BORCS5: variants seen among roughly 807,000 people sequenced by gnomAD.
BORCS5 encodes BLOC-1 related complex subunit 5.
In BORCS5, 17 loss-of-function variants were observed where a neutral mutation model predicts 22.1. The observed-to-expected ratio is 0.77, with a 90% CI of 0.53 to 1.15. The LOEUF is 1.15. BORCS5 is among the 50% of genes most tolerant of loss of function. The probability of loss-of-function intolerance (pLI) is 0.00; values close to 1 mark genes in which losing one functional copy is unlikely to be tolerated. For missense variants in BORCS5, 247 were observed against 253.2 expected (o/e 0.98, Z 0.17); for synonymous variants, 117 against 99.8 (o/e 1.17, Z -1.03).
At chr12:12,416,545 G>T (rs997621532) in intron 2 of BORCS5, among the ~76,000 whole-genome samples, 3 of 151,982 alleles carry the variant, frequency 2.0e-5, no homozygotes, top group Admixed American at 6.6e-5. Flanking sequence ...CTGGACTCAA[G>T]TGATTCTTCT....
chr12:12,380,570 T>C (rs1863754579), intron 2 of BORCS5, among the ~76,000 whole-genome samples: 1 of 151,602 alleles, frequency 6.6e-6, no homozygotes, highest in South Asian at 2.1e-4. Flanking sequence ...TGAATAATGC[T>C]GCTATGAACC....
chr12:12,465,723 G>A lies in BORCS5; in HGVS notation c.538G>A (p.Gly180Ser). Residue 180 changes from glycine to serine, a missense_variant, in exon 4 of 4, where the codon GGC becomes AGC. By Grantham distance (56) the Gly-to-Ser change is moderately conservative (BLOSUM62 0). Transcript: ENST00000314565. ...LDRLNSMLPE[G>S]ERLEPFSMKP... ...CAGGCTCAACAGCATGCTGCCCGAG[G>A]GCGAGCGGCTGGAGCCCTTCAGCAT... 6.2e-7 allele frequency: 1 copy of A among 1,614,154 alleles called. No homozygotes were observed. The highest frequency in any genetic ancestry group is 8.5e-7 in the Non-Finnish European group (1 of 1,180,050).
At chr12:12,414,186 G>A (rs1422622230) in intron 2 of BORCS5, among the ~76,000 whole-genome samples, 1 of 103,114 alleles carries the variant, frequency 9.7e-6, no homozygotes, top group African/African-American at 3.8e-5. Context: ...CTCCCGGATG[G>A]GGCGGCTGGC....
intron 3 of BORCS5, among the ~76,000 whole-genome samples, chr12:12,461,466 C>T (rs1278275518): frequency 6.6e-6 from 1 of 152,138 alleles, no homozygotes; most frequent in Non-Finnish European, 1.5e-5. Context: ...ACCACCGCAC[C>T]TGGCCAGCAT....
At chr12:12,439,293 T>C (rs1942630619) in intron 3 of BORCS5, among the ~76,000 whole-genome samples, 1 of 152,136 alleles carries the variant, frequency 6.6e-6, no homozygotes, top group South Asian at 2.1e-4. Flanking sequence ...TTCTAGTATG[T>C]AACCAGGGGA....
intron 2 of BORCS5, among the ~76,000 whole-genome samples, chr12:12,422,487 G>A (rs1173703578): frequency 6.6e-6 from 1 of 152,060 alleles, no homozygotes; most frequent in African/African-American, 2.4e-5. Flanking sequence ...GGTGGCACAT[G>A]CCTGTAGTCT....
At chr12:12,420,656 A>G (rs1300407372) in intron 2 of BORCS5, among the ~76,000 whole-genome samples, 1 of 151,688 alleles carries the variant, frequency 6.6e-6, no homozygotes, top group African/African-American at 2.4e-5. Flanking sequence ...TTTTCATGAT[A>G]TTGATTCTTT....
At chr12:12,397,401 T>A (rs1414934995) in intron 2 of BORCS5, among the ~76,000 whole-genome samples, 1 of 152,204 alleles carries the variant, frequency 6.6e-6, no homozygotes, top group Non-Finnish European at 1.5e-5. Context: ...AGTACTGGAA[T>A]GTGACAGAAC....
At chr12:12,434,950 G>T (rs967390140) in intron 2 of BORCS5, among the ~76,000 whole-genome samples, 1 of 152,154 alleles carries the variant, frequency 6.6e-6, no homozygotes, top group Non-Finnish European at 1.5e-5. Context: ...CTCTTCAATT[G>T]ATTTCTTCTC....
chr12:12,398,405 A>G (rs1203538484), intron 2 of BORCS5, among the ~76,000 whole-genome samples: 4 of 152,224 alleles, frequency 2.6e-5, no homozygotes, highest in Non-Finnish European at 5.9e-5. Flanking sequence ...GCTTGCTACA[A>G]AAATAATTAA....
At chr12:12,414,685 G>C (rs1941872476) in intron 2 of BORCS5, among the ~76,000 whole-genome samples, 4 of 94,384 alleles carry the variant, frequency 4.2e-5, no homozygotes, top group Admixed American at 9.3e-5. Context: ...CCGGGCGGGG[G>C]GCTGACCCCC....
intron 2 of BORCS5, among the ~76,000 whole-genome samples, chr12:12,380,032 C>T (rs1863742204): frequency 6.6e-6 from 1 of 151,134 alleles, no homozygotes; most frequent in South Asian, 2.1e-4. Flanking sequence ...GGGAGTAGGT[C>T]CAAGGAGAGG....
intron 2 of BORCS5, among the ~76,000 whole-genome samples, chr12:12,388,390 C>A (rs1863928367): frequency 6.6e-6 from 1 of 151,282 alleles, no homozygotes; most frequent in African/African-American, 2.4e-5. Flanking sequence ...AATGTCATGG[C>A]TGCTCCTAAT....
intron 3 of BORCS5, among the ~76,000 whole-genome samples, chr12:12,451,952 C>T (rs1942919264): frequency 6.7e-6 from 1 of 149,124 alleles, no homozygotes; most frequent in African/African-American, 2.5e-5. Context: ...AAAAGGAAAG[C>T]AGCATTGAAC....
intron 3 of BORCS5, among the ~76,000 whole-genome samples, chr12:12,442,694 C>G (rs1942708464): frequency 6.6e-6 from 1 of 152,170 alleles, no homozygotes; most frequent in South Asian, 2.1e-4. Context: ...TAGATAATGA[C>G]TAAGATGGTA....
At chr12:12,462,071 T>C (rs1280144962) in intron 3 of BORCS5, among the ~76,000 whole-genome samples, 1 of 152,196 alleles carries the variant, frequency 6.6e-6, no homozygotes, top group Non-Finnish European at 1.5e-5. Flanking sequence ...TGGGTGTAAG[T>C]AGTTTTGGTT....
At chr12:12,443,454 A>G (rs889815609) in intron 3 of BORCS5, among the ~76,000 whole-genome samples, 7 of 152,164 alleles carry the variant, frequency 4.6e-5, no homozygotes, top group African/African-American at 1.7e-4. Flanking sequence ...TGTAAGAAAT[A>G]CAACTGGTCC....
At chr12:12,377,264 G>C (rs545252305) in intron 2 of BORCS5, among the ~76,000 whole-genome samples, 10 of 148,868 alleles carry the variant, frequency 6.7e-5, no homozygotes, top group African/African-American at 2.5e-4. Flanking sequence ...TGCAAGCCCC[G>C]CCCCGCCAGG....
intron 3 of BORCS5, among the ~76,000 whole-genome samples, chr12:12,448,077 C>G (rs975435927): frequency 6.6e-6 from 1 of 152,168 alleles, no homozygotes; most frequent in Non-Finnish European, 1.5e-5. Flanking sequence ...GATTCAGAGA[C>G]CTGAATGTGT....
Sources: allele counts gnomAD v4.1 joint callset (sites outside exome capture counted in the v4.1 genomes callset), GRCh38; gene constraint gnomAD v4.1.1; transcripts MANE v1.5; gene names NCBI Gene and HGNC (gene_info 2026-07-23, HGNC 2026-07-21).